The following MAP7 variants were observed in gnomAD, a reference collection of about 807,000 sequenced individuals.
The protein encoded by MAP7 is ensconsin.
Under a neutral mutation model 94.8 loss-of-function variants are expected in MAP7, and 52 were observed. That is an observed-to-expected ratio of 0.55 (90% CI 0.44 to 0.69). The LOEUF is 0.69. Ranked by LOEUF, MAP7 falls within the 30% of genes least tolerant of loss-of-function variation. The pLI is 0.00. For synonymous variants in MAP7, 350 were observed against 357.0 expected, an observed-to-expected ratio of 0.98 and a Z score of 0.22; for missense variants, 940 against 964.6, an observed-to-expected ratio of 0.97 and a Z score of 0.34.
At chr6:136,384,455 T>C (rs1778625132) in intron 5 of MAP7, among the ~76,000 whole-genome samples, 1 of 152,122 alleles carries the variant, frequency 6.6e-6, no homozygotes, top group Non-Finnish European at 1.5e-5. Flanking sequence ...TCATGAACAA[T>C]AGCATTGTTC....
At chr6:136,443,026 T>C (rs905317077) in intron 1 of MAP7, among the ~76,000 whole-genome samples, 1 of 152,192 alleles carries the variant, frequency 6.6e-6, no homozygotes, top group African/African-American at 2.4e-5. Flanking sequence ...TTAAATATGG[T>C]TAAAAATTTA....
chr6:136,482,180 A>G (rs1813048323), intron 1 of MAP7, among the ~76,000 whole-genome samples: 1 of 152,260 alleles, frequency 6.6e-6, no homozygotes, highest in Non-Finnish European at 1.5e-5. Context: ...GCTGGTGGGC[A>G]TGTAAATTAG....
chr6:136,442,214 C>T (rs1464367890), intron 1 of MAP7, among the ~76,000 whole-genome samples: 1 of 151,534 alleles, frequency 6.6e-6, no homozygotes, highest in Non-Finnish European at 1.5e-5. Context: ...ACCAGCCTGG[C>T]CAACATGGTG....
intron 3 of MAP7, among the ~76,000 whole-genome samples, chr6:136,408,047 ATATTTAAAAAGGAGAGTGAACC>A (rs1437504412): frequency 6.6e-6 from 1 of 152,164 alleles, no homozygotes; most frequent in African/African-American, 2.4e-5. Context: ...TGTGGAATCA[ATATTTAAAAAGGAGAGTGAACC>A]TGTGAGAACA....
chr6:136,524,911 C>T (rs954415020), intron 1 of MAP7, among the ~76,000 whole-genome samples: 14 of 152,260 alleles, frequency 9.2e-5, no homozygotes, highest in Non-Finnish European at 1.8e-4. Flanking sequence ...TTAATCAGCA[C>T]ATAAAAGCAA....
chr6:136,480,609 T>C (rs1220508730), intron 1 of MAP7, among the ~76,000 whole-genome samples: 1 of 115,540 alleles, frequency 8.7e-6, no homozygotes, highest in African/African-American at 3.4e-5. Flanking sequence ...GCCACTGCAC[T>C]CCAGCCTGGG....
chr6:136,394,097 C>T (rs1781604662), intron 3 of MAP7, among the ~76,000 whole-genome samples: 1 of 151,090 alleles, frequency 6.6e-6, no homozygotes, highest in Admixed American at 6.6e-5. Context: ...GATTCTCCTG[C>T]CTCAGCCTCC....
chr6:136,486,088 A>G (rs1464634536), intron 1 of MAP7, among the ~76,000 whole-genome samples: 2 of 152,232 alleles, frequency 1.3e-5, no homozygotes, highest in African/African-American at 2.4e-5. Context: ...GAACAAGTGC[A>G]ACTGATTGCA....
intron 16 of MAP7, among the ~76,000 whole-genome samples, chr6:136,352,662 G>C (rs1036778314): frequency 6.6e-6 from 1 of 151,712 alleles, no homozygotes; most frequent in Admixed American, 6.6e-5. Context: ...TTTTCCTTCT[G>C]ATTAGACCCC....
chr6:136,508,406 G>A (rs1265898303), intron 1 of MAP7, among the ~76,000 whole-genome samples: 5 of 152,154 alleles, frequency 3.3e-5, no homozygotes, highest in Non-Finnish European at 5.9e-5. Context: ...TATGAGTCCT[G>A]AAGCATCGCT....
intron 3 of MAP7, among the ~76,000 whole-genome samples, chr6:136,399,503 C>T (rs952279890): frequency 6.6e-6 from 1 of 151,924 alleles, no homozygotes; most frequent in Non-Finnish European, 1.5e-5. Context: ...GCCACCATGT[C>T]TGGCTCGTTT....
chr6:136,381,105 A>G (rs1173920104), intron 6 of MAP7, among the ~76,000 whole-genome samples: 1 of 152,244 alleles, frequency 6.6e-6, no homozygotes, highest in Non-Finnish European at 1.5e-5. Flanking sequence ...TTCTAATGAG[A>G]TAATAAAGTA....
intron 1 of MAP7, among the ~76,000 whole-genome samples, chr6:136,505,763 T>G (rs1821333402): frequency 1.3e-5 from 2 of 152,042 alleles, no homozygotes. Context: ...CATGTACCCC[T>G]GAACTTAAAA....
intron 1 of MAP7, among the ~76,000 whole-genome samples, chr6:136,441,953 A>T (rs1444675930): frequency 6.6e-6 from 1 of 151,966 alleles, no homozygotes; most frequent in African/African-American, 2.4e-5. Context: ...TAGAGGCTGC[A>T]AGTGAGCTGT....
intron 1 of MAP7, among the ~76,000 whole-genome samples, chr6:136,508,680 T>C (rs1444969634): frequency 6.6e-6 from 1 of 152,214 alleles, no homozygotes; most frequent in Non-Finnish European, 1.5e-5. Flanking sequence ...CATAGACTGG[T>C]CCAGGATGAA....
At chr6:136,412,554 G>T (rs908718045) in intron 2 of MAP7, among the ~76,000 whole-genome samples, 1 of 152,176 alleles carries the variant, frequency 6.6e-6, no homozygotes, top group Non-Finnish European at 1.5e-5. Flanking sequence ...CCCAAGGAAG[G>T]CCTCACTGTG....
chr6:136,483,765 T>G (rs1485724413), intron 1 of MAP7, among the ~76,000 whole-genome samples: 1 of 152,236 alleles, frequency 6.6e-6, no homozygotes. Flanking sequence ...ACCTACTCCC[T>G]TCTCCATTTC....
At chr6:136,394,952 A>C (rs1257968062) in intron 3 of MAP7, among the ~76,000 whole-genome samples, 1 of 121,752 alleles carries the variant, frequency 8.2e-6, no homozygotes, top group Non-Finnish European at 1.8e-5. Context: ...ATATATATAT[A>C]TATATATATA....
intron 8 of MAP7, 25 bp from the exon 9 acceptor site, chr6:136,366,464 T>C (rs1794352496): frequency 1.3e-6 from 2 of 1,516,354 alleles, no homozygotes; most frequent in South Asian, 1.1e-5. Context: ...ACTCAATAGT[T>C]AGATTTTTCC....
Sources: gnomAD v4.1 joint callset for allele counts (sites outside exome capture counted in the v4.1 genomes callset) on GRCh38, gnomAD v4.1.1 for gene constraint, MANE v1.5 for transcripts, NCBI Gene and HGNC (gene_info 2026-07-23, HGNC 2026-07-21) for gene names.